The following INPP4A variants were observed in gnomAD, a reference collection of about 807,000 sequenced individuals.
INPP4A encodes the protein inositol polyphosphate-4-phosphatase, type I, 107kD.
Under a neutral mutation model 119.8 loss-of-function variants are expected in INPP4A, and 33 were observed. The observed-to-expected ratio is 0.28, with a 90% CI of 0.21 to 0.37. The LOEUF is 0.37. Ranked by LOEUF, INPP4A falls within the 10% of genes least tolerant of loss-of-function variation. The probability of loss-of-function intolerance (pLI) is 1.00; values close to 1 mark genes in which losing one functional copy is unlikely to be tolerated. For synonymous variants in INPP4A, 496 were observed against 500.7 expected (o/e 0.99, Z 0.12); for missense variants, 956 against 1,289.9 (o/e 0.74, Z 3.97).
chr2:98,527,557 T>C (rs1159775660), intron 4 of INPP4A, among the ~76,000 whole-genome samples: 1 of 152,234 alleles, frequency 6.6e-6, no homozygotes, highest in Non-Finnish European at 1.5e-5. Flanking sequence ...GCTGTGCACA[T>C]GTCCAGAGCT....
intron 23 of INPP4A, among the ~76,000 whole-genome samples, chr2:98,574,163 C>T (rs3769707): frequency 0.073 from 11,096 of 152,080 alleles, 452 homozygotes; most frequent in Non-Finnish European, 0.086. Flanking sequence ...GCCCAGCAAG[C>T]GGGGTGTAGG....
chr2:98,489,896 T>C lies in INPP4A; in HGVS notation c.-165-29068T>C, dbSNP rs1394334155. ...CCCACCCCATGCAGCTGCAAGATTCTATCTGCCTTTTCTTCTCCTTCCATA... is the reference window on the plus strand; with the variant it reads ...CCCACCCCATGCAGCTGCAAGATTCCATCTGCCTTTTCTTCTCCTTCCATA... On this transcript the variant is annotated intron_variant, in intron 1 of 24. Transcript: ENST00000409851. 3.4e-5 allele frequency among the ~76,000 whole-genome samples: 4 copies of C among 118,538 alleles called. No individual in the cohort carries two copies. In the East Asian group the frequency reaches 1.2e-3, roughly 35 times the overall value. The allele number at this position is 118,538 out of a possible 152,430, so 77.8% of individuals were successfully genotyped here. A position where few individuals can be genotyped will look rare whatever the true frequency, so the allele number is the denominator to read the frequency against.
At chr2:98,454,313 C>G (rs1695722265) in intron 1 of INPP4A, among the ~76,000 whole-genome samples, 1 of 152,148 alleles carries the variant, frequency 6.6e-6, no homozygotes, top group Admixed American at 6.5e-5. Flanking sequence ...AGCTATGATC[C>G]CCATTATTTA....
At position 98,543,946 on chromosome 2, in the gene INPP4A, C is replaced by T. The variant is rs760907050; in HGVS notation, c.888C>T (p.Thr296=). 16 of 1,601,620 alleles carry T rather than the reference C, an allele frequency of 1.0e-5. No homozygotes were observed. Among genetic ancestry groups the T allele is most frequent in the Admixed American group, 3.4e-5 (2 of 58,332 alleles). The change falls in exon 11 of 25, where the codon ACC becomes ACT. Residue 296 remains threonine, a synonymous_variant. Transcript: ENST00000409851. ...CWESLRRQIV[T]QYQTIILTYQ... ...AGAGCCTCCGGCGCCAAATTGTCAC[C>T]CAGTACCAGACCATCATCCTCACAT... is the stretch of plus-strand genomic sequence containing the variant.
intron 15 of INPP4A, 24 bp from the exon 16 acceptor site, chr2:98,555,529 A>G: frequency 6.3e-7 from 1 of 1,577,880 alleles, no homozygotes; most frequent in South Asian, 1.2e-5. Context: ...GAGCTGACCC[A>G]CATGGGCCCC....
At chr2:98,543,665 G>A (rs544221536) in intron 10 of INPP4A, among the ~76,000 whole-genome samples, 12 of 152,314 alleles carry the variant, frequency 7.9e-5, no homozygotes, top group Admixed American at 6.5e-4. Flanking sequence ...TGGACACACT[G>A]CCACGTGGTC....
intron 1 of INPP4A, among the ~76,000 whole-genome samples, chr2:98,478,935 C>G (rs771559379): frequency 1.3e-5 from 2 of 152,148 alleles, no homozygotes; most frequent in African/African-American, 2.4e-5. Flanking sequence ...AGGCATCTTT[C>G]GAAGATGGCA....
At chr2:98,492,517 C>G (rs917338615) in intron 1 of INPP4A, among the ~76,000 whole-genome samples, 6 of 152,296 alleles carry the variant, frequency 3.9e-5, no homozygotes, top group Admixed American at 1.3e-4. Context: ...TTTACTCATT[C>G]CTGTCTTACT....
intron 1 of INPP4A, among the ~76,000 whole-genome samples, chr2:98,449,001 A>C (rs4851138): frequency 0.28 from 41,821 of 152,074 alleles, 5,799 homozygotes; most frequent in Middle Eastern, 0.35. Context: ...CTGTGCCCGA[A>C]TAATGCTGCA....
chr2:98,519,164 C>T (rs17504774), intron 2 of INPP4A, 139 bp downstream of exon 2: 36,460 of 152,172 alleles, frequency 0.24, 4,555 homozygotes, highest in Middle Eastern at 0.35. Context: ...AGGCTTATTG[C>T]TCAGTCTAAT....
chr2:98,568,960 C>A (rs1001856), intron 22 of INPP4A: 1 of 276,902 alleles, frequency 3.6e-6, no homozygotes, highest in East Asian at 7.2e-5. Flanking sequence ...TTGTGCACCT[C>A]CTGGTAGGAC....
At chr2:98,552,607 T>C (rs1296593543) in intron 13 of INPP4A, 179 bp from the exon 14 acceptor site, 1 of 735,084 alleles carries the variant, frequency 1.4e-6, no homozygotes, top group Non-Finnish European at 2.5e-6. Flanking sequence ...TCCTGCCATA[T>C]AGACAGGAAG....
chr2:98,581,842 G>A, intron 24 of INPP4A: 1 of 1,492,280 alleles, frequency 6.7e-7, no homozygotes, highest in Non-Finnish European at 8.9e-7. Flanking sequence ...TGGACAGAAG[G>A]AATGTGTCAA....
At chr2:98,547,018 A>G (rs1692596257) in intron 13 of INPP4A, among the ~76,000 whole-genome samples, 1 of 152,200 alleles carries the variant, frequency 6.6e-6, no homozygotes, top group South Asian at 2.1e-4. Flanking sequence ...CAGTCAGTTG[A>G]GCACCATAGG....
chr2:98,581,527 TC>T, intron 24 of INPP4A: 3 of 1,491,464 alleles, frequency 2.0e-6, no homozygotes, highest in Non-Finnish European at 2.7e-6. Flanking sequence ...TTATTTTCTT[TC>T]CTTTCCTTTT....
At position 98,565,653 on chromosome 2, in the gene INPP4A, A is replaced by G. The variant is rs544528151; in HGVS notation, c.2166A>G (p.Ala722=). The change falls in exon 20 of 25, where the codon GCA becomes GCG. Residue 722 remains alanine (A), a synonymous_variant. Coordinates refer to ENST00000409851, the MANE Select transcript of INPP4A (RefSeq NM_001134225.2). Reference sequence around the variant, plus strand: ...TCTCATGTCCAGGGGAGGAGCTGGCAATGCTGGAGGACATGAGCCTTGGGA... The same window carrying G: ...TCTCATGTCCAGGGGAGGAGCTGGCGATGCTGGAGGACATGAGCCTTGGGA... ...SLLSTYGEEL[A]MLEDMSLGIM... is the part of the protein sequence containing the mutation. 113 of 1,608,028 alleles carry G rather than the reference A, an allele frequency of 7.0e-5. 1 individual carries two copies. The South Asian group carries it at 1.2e-3, about 17-fold the overall frequency.
chr2:98,463,642 C>T (rs1674081627), intron 1 of INPP4A, among the ~76,000 whole-genome samples: 1 of 152,262 alleles, frequency 6.6e-6, no homozygotes, highest in Non-Finnish European at 1.5e-5. Flanking sequence ...AAGGAATTGA[C>T]TTGTGGAGCT....
intron 1 of INPP4A, among the ~76,000 whole-genome samples, chr2:98,502,533 G>GGA (rs1172563647): frequency 6.6e-6 from 1 of 151,790 alleles, no homozygotes; most frequent in Non-Finnish European, 1.5e-5. Context: ...TATGTGACAG[G>GGA]GAGACACTTT....
chr2:98,462,961 C>T (rs1380216860), intron 1 of INPP4A, among the ~76,000 whole-genome samples: 1 of 152,180 alleles, frequency 6.6e-6, no homozygotes, highest in Non-Finnish European at 1.5e-5. Flanking sequence ...CCTGCCTCAG[C>T]CTCCCAAGTG....
Sources: gnomAD v4.1 joint callset for allele counts (sites outside exome capture counted in the v4.1 genomes callset) on GRCh38, gnomAD v4.1.1 for gene constraint, MANE v1.5 for transcripts, NCBI Gene and HGNC (gene_info 2026-07-23, HGNC 2026-07-21) for gene names.